Variants in DYM observed in about 807,000 individuals in gnomAD.
DYM encodes dyggve-Melchior-Clausen syndrome protein.
In DYM, 78 loss-of-function variants were observed where a neutral mutation model predicts 93.1. The observed-to-expected ratio is 0.84, with a 90% confidence interval of 0.70 to 1.01. The LOEUF is 1.01. Ranked by LOEUF, DYM falls within the 50% of genes least tolerant of loss-of-function variation. The pLI, the probability that DYM is intolerant of heterozygous loss-of-function variation, is 0.00. For missense variants in DYM, 789 were observed against 845.0 expected (o/e 0.93, Z 0.82); for synonymous variants, 321 against 319.7 (o/e 1.00, Z -0.04).
At chr18:49,108,747 G>A (rs1031738698) in intron 16 of DYM, among the ~76,000 whole-genome samples, 1 of 152,182 alleles carries the variant, frequency 6.6e-6, no homozygotes, top group African/African-American at 2.4e-5. Context: ...GGTTAGTATT[G>A]TTTGGGTCTT....
chr18:49,413,706 G>A (rs2072565467), intron 2 of DYM, among the ~76,000 whole-genome samples: 1 of 152,132 alleles, frequency 6.6e-6, no homozygotes, highest in Non-Finnish European at 1.5e-5. Flanking sequence ...CATGGATTAT[G>A]AACTTTGAAG....
At chr18:49,072,651 G>T (rs1214522456) in intron 17 of DYM, among the ~76,000 whole-genome samples, 1 of 152,264 alleles carries the variant, frequency 6.6e-6, no homozygotes, top group Non-Finnish European at 1.5e-5. Flanking sequence ...ATAAATGAAT[G>T]GTCCACAGGG....
chr18:49,177,929 A>G (rs1171912159), intron 14 of DYM, among the ~76,000 whole-genome samples: 1 of 151,966 alleles, frequency 6.6e-6, no homozygotes, highest in Non-Finnish European at 1.5e-5. Context: ...AAGTTCTAAA[A>G]CTACTTTTTA....
chr18:49,114,606 TCTGTGTGTC>T, intron 16 of DYM: 2 of 984,490 alleles, frequency 2.0e-6, no homozygotes, highest in South Asian at 4.7e-5. Flanking sequence ...TTTGCATGGT[TCTGTGTGTC>T]CTGATTAAAA....
chr18:49,453,604 G>T (rs962190537), intron 1 of DYM, among the ~76,000 whole-genome samples: 1 of 152,196 alleles, frequency 6.6e-6, no homozygotes, highest in Non-Finnish European at 1.5e-5. Flanking sequence ...CTTCATTCTT[G>T]AAGTCAATGA....
intron 17 of DYM, among the ~76,000 whole-genome samples, chr18:49,063,361 C>A (rs2076138926): frequency 6.7e-6 from 1 of 149,332 alleles, no homozygotes; most frequent in Non-Finnish European, 1.5e-5. Context: ...TTACTAAAAA[C>A]CTTGGGAAAT....
chr18:49,067,154 G>T (rs2076463524), intron 17 of DYM, among the ~76,000 whole-genome samples: 1 of 151,028 alleles, frequency 6.6e-6, no homozygotes, highest in African/African-American at 2.4e-5. Context: ...AGGGGAAGGA[G>T]TGGGGTGATG....
At chr18:49,216,369 T>C (rs1212182177) in intron 13 of DYM, among the ~76,000 whole-genome samples, 2 of 152,188 alleles carry the variant, frequency 1.3e-5, no homozygotes, top group African/African-American at 4.8e-5. Flanking sequence ...CAGACTTAAA[T>C]GTCCCTGTTT....
intron 17 of DYM, among the ~76,000 whole-genome samples, chr18:49,050,152 T>A (rs2072217960): frequency 6.7e-6 from 1 of 149,160 alleles, no homozygotes; most frequent in African/African-American, 2.5e-5. Flanking sequence ...AATGGCGCGA[T>A]CTCGGCTCAC....
At chr18:49,092,321 C>T (rs1192003246) in intron 17 of DYM, among the ~76,000 whole-genome samples, 2 of 152,280 alleles carry the variant, frequency 1.3e-5, no homozygotes, top group Middle Eastern at 3.4e-3. Context: ...TCTTTCATCC[C>T]AGCTTTATGG....
At chr18:49,378,996 G>A (rs926894683) in intron 4 of DYM, among the ~76,000 whole-genome samples, 10 of 152,176 alleles carry the variant, frequency 6.6e-5, no homozygotes, top group Non-Finnish European at 8.8e-5. Context: ...ACGTACATGC[G>A]ATTAAAAGAG....
intron 17 of DYM, among the ~76,000 whole-genome samples, chr18:49,045,263 T>A (rs1363388168): frequency 6.6e-6 from 1 of 152,214 alleles, no homozygotes; most frequent in African/African-American, 2.4e-5. Flanking sequence ...GCCACACTTA[T>A]TATACTATAC....
chr18:49,203,593 C>G (rs890673862), intron 14 of DYM, among the ~76,000 whole-genome samples: 2 of 142,478 alleles, frequency 1.4e-5, no homozygotes, highest in Admixed American at 1.4e-4. Flanking sequence ...TGTGTCCACT[C>G]AGGGTTAAAT....
At chr18:49,426,267 A>G (rs1482099335) in intron 2 of DYM, among the ~76,000 whole-genome samples, 1 of 151,954 alleles carries the variant, frequency 6.6e-6, no homozygotes, top group Admixed American at 6.6e-5. Flanking sequence ...GAAGCTGGAA[A>G]CCAACATTTT....
chr18:49,436,094 C>A lies in DYM; in HGVS notation c.-53-5647G>T, dbSNP rs1410157559. Among the ~76,000 whole-genome samples the A allele has an allele frequency of 2.0e-5, 3 of 152,182 alleles. No individual in the cohort carries two copies. The East Asian group carries it at 5.8e-4, about 29-fold the overall frequency. ...GTGGCATGAACATAATTCACTGTAG[C>A]TTCAAACTCCTGAATTCAAGCAATC... On this transcript the variant is annotated intron_variant, in intron 1 of 17. Coordinates refer to ENST00000675505, the MANE Select transcript of DYM (RefSeq NM_001353214.3).
chr18:49,139,578 G>A (rs1418823424), intron 15 of DYM, among the ~76,000 whole-genome samples: 2 of 152,136 alleles, frequency 1.3e-5, no homozygotes, highest in African/African-American at 4.8e-5. Flanking sequence ...AGAATTAACT[G>A]GGAATCTGAG....
chr18:49,430,305 G>A lies in DYM; in HGVS notation c.90C>T (p.Asp30=), dbSNP rs577314865. 1.9e-6 allele frequency: 3 copies of A among 1,614,020 alleles called. No homozygotes were observed. The highest frequency in any genetic ancestry group is 1.7e-5 in the Admixed American group (1 of 60,010). ...ATGAGAGAAGCTGATTCCAGAACGG[G>A]TCATTCTCAGAGATAGATTCCGTGC... The part of the protein sequence containing the change: ...LSGTESISEN[D]PFWNQLLSFS... Residue 30 remains aspartate, a synonymous_variant, in exon 2 of 18, where the codon GAC becomes GAT. Transcript: ENST00000675505.
chr18:49,305,903 A>G (rs1025898067), intron 8 of DYM, among the ~76,000 whole-genome samples: 1 of 152,222 alleles, frequency 6.6e-6, no homozygotes, highest in Non-Finnish European at 1.5e-5. Context: ...TACCAGCTCC[A>G]TTCATTTACC....
At chr18:49,146,965 C>T (rs2085225006) in intron 15 of DYM, among the ~76,000 whole-genome samples, 1 of 152,146 alleles carries the variant, frequency 6.6e-6, no homozygotes, top group Non-Finnish European at 1.5e-5. Flanking sequence ...GCTACAGTAA[C>T]CAAAACAGCA....
Sources: gnomAD v4.1 joint callset for allele counts (sites outside exome capture counted in the v4.1 genomes callset) on GRCh38, gnomAD v4.1.1 for gene constraint, MANE v1.5 for transcripts, NCBI Gene and HGNC (gene_info 2026-07-23, HGNC 2026-07-21) for gene names.